ERC2: variants seen among roughly 807,000 people sequenced by gnomAD.
ERC2 encodes ELKS/RAB6-interacting/CAST family member 2, also known as ERC protein 2.
In ERC2, 42 loss-of-function variants were observed where a neutral mutation model predicts 114.8. The ratio of observed to expected loss-of-function variants is 0.37; its 90% CI spans 0.29 to 0.47. The LOEUF is 0.47. Among genes scored for constraint, ERC2 ranks in the 20% least tolerant of loss-of-function variants. The pLI is 0.99. For missense variants in ERC2, 939 were observed against 1,150.7 expected, an observed-to-expected ratio of 0.82 and a Z score of 2.66; for synonymous variants, 454 against 425.5, an observed-to-expected ratio of 1.07 and a Z score of -0.82.
At chr3:56,293,178 T>C (rs1576305727) in intron 3 of ERC2, among the ~76,000 whole-genome samples, 1 of 152,230 alleles carries the variant, frequency 6.6e-6, no homozygotes, top group Non-Finnish European at 1.5e-5. Flanking sequence ...GCATTCTTCA[T>C]GATGCCTGAC....
chr3:55,973,889 G>C (rs2069365747), intron 12 of ERC2, among the ~76,000 whole-genome samples: 1 of 152,122 alleles, frequency 6.6e-6, no homozygotes, highest in African/African-American at 2.4e-5. Flanking sequence ...GATAAAAACA[G>C]CCTAAAAATA....
chr3:55,955,254 GTGTGTGTGTGT>G (rs2067871604), intron 12 of ERC2: 5 of 42,328 alleles, frequency 1.2e-4, no homozygotes, highest in Non-Finnish European at 2.9e-4. Flanking sequence ...GTGTTTGTGT[GTGTGTGTGTGT>G]GTGTGTGTGT....
intron 6 of ERC2, among the ~76,000 whole-genome samples, chr3:56,114,484 T>A (rs954814863): frequency 6.6e-6 from 1 of 152,192 alleles, no homozygotes; most frequent in Non-Finnish European, 1.5e-5. Context: ...CCTCCCATCA[T>A]GTCATGGCCA....
At chr3:56,405,520 T>C (rs566058263) in intron 2 of ERC2, among the ~76,000 whole-genome samples, 183 of 152,022 alleles carry the variant, frequency 1.2e-3, no homozygotes, top group Non-Finnish European at 2.4e-3. Flanking sequence ...CTGTCTATTA[T>C]TAGGGTTGAC....
Position 55,590,626 on chromosome 3 carries a change from T to A in ERC2, c.*40-79350A>T, listed in dbSNP as rs924564927. ...TGATACAGTATCAAGCCAACTGCAA[T>A]GATCCAACAATGAAAATTGCCCACC... On this transcript the variant is annotated intron_variant, in intron 17 of 17. Coordinates refer to ENST00000288221, the MANE Select transcript of ERC2 (RefSeq NM_015576.3). Among the ~76,000 whole-genome samples, 4 of 152,174 alleles carry A rather than the reference T, an allele frequency of 2.6e-5. 1 individual carries two copies. The East Asian group carries it at 7.7e-4, about 29-fold the overall frequency.
chr3:55,657,368 A>C (rs1384119901), intron 17 of ERC2: 1 of 152,132 alleles, frequency 6.6e-6, no homozygotes, highest in Non-Finnish European at 1.5e-5. Context: ...AGTCCTTGAG[A>C]TGGGAGGAAG....
chr3:56,286,198 A>T (rs2054691384), intron 3 of ERC2, among the ~76,000 whole-genome samples: 2 of 151,994 alleles, frequency 1.3e-5, no homozygotes, highest in African/African-American at 2.4e-5. Flanking sequence ...TGGATCACTT[A>T]AGGTCGGGAG....
intron 15 of ERC2, among the ~76,000 whole-genome samples, chr3:55,714,992 A>G (rs2064028350): frequency 6.6e-6 from 1 of 152,098 alleles, no homozygotes; most frequent in Admixed American, 6.6e-5. Context: ...TGGAGAATTG[A>G]GACTCCTGTT....
chr3:55,903,699 T>G (rs2064269317), intron 13 of ERC2, among the ~76,000 whole-genome samples: 1 of 152,256 alleles, frequency 6.6e-6, no homozygotes, highest in African/African-American at 2.4e-5. Flanking sequence ...CAATAGTTCC[T>G]TTTGGACTAA....
At chr3:56,277,019 G>C (rs2054048847) in intron 3 of ERC2, among the ~76,000 whole-genome samples, 1 of 152,162 alleles carries the variant, frequency 6.6e-6, no homozygotes, top group African/African-American at 2.4e-5. Flanking sequence ...GATGAACTTT[G>C]CCTCATCCCT....
chr3:55,661,937 T>A (rs1405799791), intron 17 of ERC2, among the ~76,000 whole-genome samples: 2 of 152,252 alleles, frequency 1.3e-5, no homozygotes, highest in African/African-American at 2.4e-5. Flanking sequence ...TTTCCCTTTT[T>A]CACTTTCTGT....
At chr3:56,319,188 C>T (rs1335202408) in intron 2 of ERC2, among the ~76,000 whole-genome samples, 2 of 152,028 alleles carry the variant, frequency 1.3e-5, no homozygotes, top group Non-Finnish European at 2.9e-5. Flanking sequence ...ATTCACACTC[C>T]TGTGTTCACT....
At chr3:56,050,030 A>G (rs2149682453) in intron 7 of ERC2, among the ~76,000 whole-genome samples, 1 of 152,272 alleles carries the variant, frequency 6.6e-6, no homozygotes, top group African/African-American at 2.4e-5. Context: ...GGGACGAAGG[A>G]GCAGATCAGT....
chr3:55,562,532 G>C (rs1198875219), intron 17 of ERC2, among the ~76,000 whole-genome samples: 1 of 152,176 alleles, frequency 6.6e-6, no homozygotes, highest in Non-Finnish European at 1.5e-5. Context: ...AATAGAAGAA[G>C]TAAATACAGT....
At chr3:55,836,092 T>C (rs201862582) in intron 14 of ERC2, among the ~76,000 whole-genome samples, 2 of 150,114 alleles carry the variant, frequency 1.3e-5, no homozygotes, top group African/African-American at 2.5e-5. Flanking sequence ...CACTGCTCAA[T>C]GAAATAAAAG....
At chr3:55,741,332 A>T (rs1291249700) in intron 14 of ERC2, among the ~76,000 whole-genome samples, 1 of 151,942 alleles carries the variant, frequency 6.6e-6, no homozygotes, top group Non-Finnish European at 1.5e-5. Flanking sequence ...TGGTCCAGCC[A>T]TTGAAAAACT....
At chr3:56,159,632 A>G (rs11716632) in intron 4 of ERC2, among the ~76,000 whole-genome samples, 65,693 of 151,998 alleles carry the variant, frequency 0.43, 14,686 homozygotes, top group Middle Eastern at 0.52. Flanking sequence ...ATAGTACTCA[A>G]TAGTTATTCA....
At chr3:56,438,316 T>C (rs181898708) in intron 1 of ERC2, among the ~76,000 whole-genome samples, 27 of 152,300 alleles carry the variant, frequency 1.8e-4, no homozygotes, top group Non-Finnish European at 3.5e-4. Context: ...TCCTCTTCCT[T>C]ATCCCTCCCT....
intron 6 of ERC2, among the ~76,000 whole-genome samples, chr3:56,086,021 A>G (rs1254763675): frequency 6.6e-6 from 1 of 152,208 alleles, no homozygotes; most frequent in Non-Finnish European, 1.5e-5. Flanking sequence ...ACACTCTGTA[A>G]TCATGAGAGA....
Sources: allele counts gnomAD v4.1 joint callset (sites outside exome capture counted in the v4.1 genomes callset), GRCh38; gene constraint gnomAD v4.1.1; transcripts MANE v1.5; gene names NCBI Gene and HGNC (gene_info 2026-07-23, HGNC 2026-07-21).